Variants in APOL4 observed in about 807,000 individuals in gnomAD.
The protein encoded by APOL4 is apolipoprotein L, 4.
APOL4 carries 14 observed loss-of-function variants against 12.1 expected under a neutral mutation model. The observed-to-expected ratio is 1.16, with a 90% CI of 0.76 to 1.81. APOL4 has a LOEUF of 1.81. Ranked by LOEUF, APOL4 falls within the 40% of genes most tolerant of loss-of-function variation. The pLI, the probability that APOL4 is intolerant of heterozygous loss-of-function variation, is 0.00. For missense variants in APOL4, 432 were observed against 423.1 expected (o/e 1.02, Z -0.18); for synonymous variants, 171 against 160.6 (o/e 1.06, Z -0.49).
At chr22:36,199,956 C>T (rs1013031415) in intron 1 of APOL4, among the ~76,000 whole-genome samples, 4 of 152,136 alleles carry the variant, frequency 2.6e-5, no homozygotes, top group Admixed American at 6.5e-5. Context: ...TACAGGTGCC[C>T]GTCGCCACAT....
chr22:36,196,530 C>G (rs754136383), intron 2 of APOL4, among the ~76,000 whole-genome samples: 8 of 152,164 alleles, frequency 5.3e-5, no homozygotes, highest in African/African-American at 9.7e-5. Flanking sequence ...AATATTATCA[C>G]TACAAAGCAT....
chr22:36,193,007 C>T (rs905774871), intron 3 of APOL4, among the ~76,000 whole-genome samples: 5 of 152,224 alleles, frequency 3.3e-5, no homozygotes, highest in African/African-American at 4.8e-5. Context: ...CCATCCCGTG[C>T]TTGCTGGGCC....
chr22:36,199,213 G>A (rs1693283579), intron 2 of APOL4, 117 bp downstream of exon 2: 1 of 1,410,954 alleles, frequency 7.1e-7, no homozygotes, highest in Admixed American at 1.7e-5. Context: ...CCTCCGTCTG[G>A]GTTCCGTTGG....
intron 2 of APOL4, among the ~76,000 whole-genome samples, chr22:36,196,252 G>A (rs560783351): frequency 2.6e-5 from 4 of 152,312 alleles, no homozygotes; most frequent in Admixed American, 6.5e-5. Flanking sequence ...AAAAAGAAAA[G>A]AGCATTGAAA....
At chr22:36,199,674 C>G (rs566801104) in intron 1 of APOL4, 1 of 1,544,818 alleles carries the variant, frequency 6.5e-7, no homozygotes, top group East Asian at 2.4e-5. Flanking sequence ...AGAAACTACA[C>G]AGTCTATACG....
chr22:36,198,100 C>T (rs2014466239), intron 2 of APOL4, among the ~76,000 whole-genome samples: 1 of 152,220 alleles, frequency 6.6e-6, no homozygotes, highest in South Asian at 2.1e-4. Flanking sequence ...GCCCGACTGG[C>T]TCTTCTGAGT....
intron 2 of APOL4, chr22:36,197,916 C>G: frequency 6.9e-7 from 1 of 1,445,380 alleles, no homozygotes; most frequent in East Asian, 2.6e-5. Context: ...ACCCCAGACT[C>G]AATCATACCC....
intron 1 of APOL4, chr22:36,199,613 T>C (rs767219519): frequency 6.4e-7 from 1 of 1,553,130 alleles, no homozygotes; most frequent in Non-Finnish European, 8.7e-7. Context: ...CTTGTCCTGT[T>C]GGAGAATGAG....
At chr22:36,202,853 C>G (rs1014387376), upstream of APOL4, among the ~76,000 whole-genome samples, 2 of 152,130 alleles carry the variant, frequency 1.3e-5, no homozygotes, top group African/African-American at 4.8e-5. Flanking sequence ...AAATCTTAGG[C>G]TGGGAGGGGA....
chr22:36,191,135 C>T lies in APOL4; in HGVS notation c.987G>A (p.Gln329=), dbSNP rs2014231237. ...GCTCATTGAGATTCTCCTCCAGCTCCTGAGCCCACTGCCTCAGCGACTCAG... is the reference window on the plus strand; with the variant it reads ...GCTCATTGAGATTCTCCTCCAGCTCTTGAGCCCACTGCCTCAGCGACTCAG... The part of the protein sequence containing the change: ...ESAESLRQWA[Q]ELEENLNELT... Residue 329 remains glutamine, a synonymous_variant, in exon 4 of 4, where the codon CAG becomes CAA. Transcript: ENST00000683024. 5 of 1,611,772 alleles carry T rather than the reference C, an allele frequency of 3.1e-6. No individual in the cohort carries two copies. The highest frequency in any genetic ancestry group is 2.2e-5 in the East Asian group (1 of 44,812).
chr22:36,199,482 T>C, intron 1 of APOL4, 106 bp from the exon 2 acceptor site: 1 of 1,613,484 alleles, frequency 6.2e-7, no homozygotes, highest in Non-Finnish European at 8.5e-7. Context: ...TGGCAGCAAA[T>C]GCCAAGACCA....
chr22:36,204,628 C>A, upstream of APOL4: 1 of 688,974 alleles, frequency 1.5e-6, no homozygotes, highest in East Asian at 4.5e-5. Context: ...CCCAACTTAC[C>A]AAGGGATCTT....
At chr22:36,194,018 A>T (rs117981857) in intron 3 of APOL4, among the ~76,000 whole-genome samples, 2 of 152,348 alleles carry the variant, frequency 1.3e-5, no homozygotes, top group Non-Finnish European at 2.9e-5. Flanking sequence ...ACTCATGAGG[A>T]CTTTGAAAAT....
intron 3 of APOL4, among the ~76,000 whole-genome samples, chr22:36,193,563 T>C (rs1365493329): frequency 1.3e-5 from 2 of 152,166 alleles, no homozygotes; most frequent in East Asian, 3.8e-4. Context: ...TATCAGTGAG[T>C]TACGTGAGTC....
At chr22:36,204,198 C>T (rs766363976), upstream of APOL4, among the ~76,000 whole-genome samples, 1 of 152,204 alleles carries the variant, frequency 6.6e-6, no homozygotes, top group Non-Finnish European at 1.5e-5. Flanking sequence ...CCTCAGCAGC[C>T]GCACCCCGGG....
At chr22:36,197,951 C>T (rs1322428092) in intron 2 of APOL4, 3 of 1,369,660 alleles carry the variant, frequency 2.2e-6, no homozygotes, top group Non-Finnish European at 2.8e-6. Context: ...CCACCTGTGC[C>T]ACAGAAGTTC....
upstream of APOL4, among the ~76,000 whole-genome samples, chr22:36,203,373 G>T (rs192980915): frequency 6.6e-6 from 1 of 152,152 alleles, no homozygotes; most frequent in Non-Finnish European, 1.5e-5. Context: ...ATTACGAGGT[G>T]GGATGGTCAC....
At chr22:36,192,026 G>A (rs2014271298) in intron 3 of APOL4, 114 bp from the exon 4 acceptor site, 2 of 1,021,026 alleles carry the variant, frequency 2.0e-6, no homozygotes, top group East Asian at 2.4e-5. Context: ...TCAAATGGAA[G>A]TAAAGTTCTA....
At chr22:36,201,675 C>CAG (rs1410172854) in intron 1 of APOL4, 25 bp downstream of exon 1, 10 of 1,594,168 alleles carry the variant, frequency 6.3e-6, no homozygotes, top group African/African-American at 1.4e-5. Context: ...AGCAGGAGGG[C>CAG]AGAGAGCTGG....
Sources: allele counts gnomAD v4.1 joint callset (sites outside exome capture counted in the v4.1 genomes callset), GRCh38; gene constraint gnomAD v4.1.1; transcripts MANE v1.5; gene names NCBI Gene and HGNC (gene_info 2026-07-23, HGNC 2026-07-21).